DENND4C: variants seen among roughly 807,000 people sequenced by gnomAD.
DENND4C encodes DENN domain-containing protein 4C.
In DENND4C, 108 loss-of-function variants were observed where a neutral mutation model predicts 203.0. That is an observed-to-expected ratio of 0.53 (90% CI 0.46 to 0.62). The LOEUF (loss-of-function observed/expected upper bound fraction) is 0.62, where lower values mean the gene tolerates loss of function less well. DENND4C is among the 20% of genes least tolerant of loss of function. DENND4C has a pLI of 0.00. For missense variants in DENND4C, 2,481 were observed against 2,301.2 expected (o/e 1.08, Z -1.60); for synonymous variants, 871 against 792.4 (o/e 1.10, Z -1.67).
chr9:19,373,474 C>G lies in DENND4C; in HGVS notation c.*1301C>G, dbSNP rs113538393. On this transcript the variant is annotated 3_prime_UTR_variant, in exon 33 of 33. Transcript: ENST00000434457. Reference sequence around the variant, plus strand: ...TTTTAAAACCTGTGGGATAAACTTGCACTGCACACGGAAGTTTTATTCTTG... The same window carrying G: ...TTTTAAAACCTGTGGGATAAACTTGGACTGCACACGGAAGTTTTATTCTTG... 1.9e-4 allele frequency: 29 copies of G among 152,726 alleles called. No individual in the cohort carries two copies. The highest frequency in any genetic ancestry group is 6.3e-4 in the African/African-American group (26 of 41,560). 9.5% of individuals were successfully genotyped at this position (152,726 alleles called of 1,614,324 possible). A position where few individuals can be genotyped will look rare whatever the true frequency, so the allele number is the denominator to read the frequency against.
chr9:19,268,932 G>C (rs1020960199), intron 1 of DENND4C, among the ~76,000 whole-genome samples: 86 of 152,124 alleles, frequency 5.7e-4, no homozygotes, highest in African/African-American at 2.0e-3. Context: ...AAATTTCCTT[G>C]CTGTTCCATA....
intron 30 of DENND4C, 37 bp from the exon 31 acceptor site, chr9:19,369,800 A>T: frequency 7.8e-7 from 1 of 1,275,744 alleles, no homozygotes; most frequent in South Asian, 2.4e-5. Context: ...AATAATAGTA[A>T]TAATTGAAAA....
intron 20 of DENND4C, 79 bp from the exon 21 acceptor site, chr9:19,340,913 G>GTT: frequency 7.6e-7 from 1 of 1,312,424 alleles, no homozygotes; most frequent in Non-Finnish European, 1.0e-6. Context: ...GTAGATCAGT[G>GTT]GAATTTTCTT....
Position 19,370,021 on chromosome 9 carries a change from C to T in DENND4C, c.5675+34C>T, listed in dbSNP as rs772470944. 8.7e-6 allele frequency: 14 copies of T among 1,608,736 alleles called. No individual in the cohort carries two copies. The East Asian group carries it at 2.9e-4, about 33-fold the overall frequency. On this transcript the variant is annotated intron_variant, in intron 31 of 32. Transcript: ENST00000434457. ...CCAGTATTTTTTGCTTGCCACCACT[C>T]AGTCATTTCATGTTTTTAAAAAAAT...
intron 20 of DENND4C, among the ~76,000 whole-genome samples, chr9:19,337,443 C>G (rs1820733352): frequency 6.6e-6 from 1 of 152,072 alleles, no homozygotes; most frequent in African/African-American, 2.4e-5. Flanking sequence ...TCAAGCCTTC[C>G]TTTAAAAAGA....
intron 1 of DENND4C, among the ~76,000 whole-genome samples, chr9:19,241,267 ATGTT>A (rs1588716344): frequency 6.6e-6 from 1 of 152,322 alleles, no homozygotes; most frequent in East Asian, 1.9e-4. Flanking sequence ...AAGCTTTAAA[ATGTT>A]TGTTGTTTTT....
chr9:19,314,624 T>C (rs1261800099), intron 10 of DENND4C, among the ~76,000 whole-genome samples: 1 of 151,790 alleles, frequency 6.6e-6, no homozygotes, highest in Non-Finnish European at 1.5e-5. Flanking sequence ...AAAAAAAGAT[T>C]CCAAAATGCA....
intron 15 of DENND4C, among the ~76,000 whole-genome samples, chr9:19,326,919 C>G (rs990139956): frequency 6.6e-6 from 1 of 152,044 alleles, no homozygotes; most frequent in Non-Finnish European, 1.5e-5. Context: ...ATTTATTTAA[C>G]TAGCCTCATG....
chr9:19,245,715 G>A (rs940422919), intron 1 of DENND4C, among the ~76,000 whole-genome samples: 2 of 152,108 alleles, frequency 1.3e-5, no homozygotes, highest in African/African-American at 4.8e-5. Context: ...AACTAGCCAG[G>A]CGTGGTGGCA....
At chr9:19,324,576 A>C in intron 13 of DENND4C, 69 bp downstream of exon 13, 1 of 1,486,030 alleles carries the variant, frequency 6.7e-7, no homozygotes, top group Non-Finnish European at 9.2e-7. Flanking sequence ...TATCATTGTT[A>C]TTGTTAGTCT....
In DENND4C at chr9:19,352,672, C is replaced by A. The variant is rs537658744; in HGVS notation, c.4781+7C>A. ...ATTTGAGAGGTTCTGCAAGGTTAGTCTTATAAAAGCTCTCTCAAGAAGTAA... is the reference window on the plus strand; with the variant it reads ...ATTTGAGAGGTTCTGCAAGGTTAGTATTATAAAAGCTCTCTCAAGAAGTAA... On this transcript the variant is annotated splice_region_variant and intron_variant, in intron 26 of 32. Transcript: ENST00000434457. 24 of 1,563,926 alleles carry A rather than the reference C, an allele frequency of 1.5e-5. No homozygotes were observed. Among genetic ancestry groups the A allele is most frequent in the Non-Finnish European group, 2.1e-5 (24 of 1,152,392 alleles).
At chr9:19,315,261 A>AT (rs1048637331) in intron 10 of DENND4C, among the ~76,000 whole-genome samples, 1 of 151,780 alleles carries the variant, frequency 6.6e-6, no homozygotes, top group Non-Finnish European at 1.5e-5. Context: ...GACTGAAACT[A>AT]TGTGTCCTGT....
At chr9:19,262,349 G>A (rs60502034) in intron 1 of DENND4C, among the ~76,000 whole-genome samples, 8,171 of 151,692 alleles carry the variant, frequency 0.054, 365 homozygotes, top group African/African-American at 0.12. Flanking sequence ...CAGCCTCCCA[G>A]AGTGCTGGGA....
In DENND4C at chr9:19,346,173, G is replaced by A. The variant is rs1208274728; in HGVS notation, c.3404G>A (p.Cys1135Tyr). 6.2e-7 allele frequency: 1 copy of A among 1,614,096 alleles called. No individual in the cohort carries two copies. The highest frequency in any genetic ancestry group is 2.2e-5 in the East Asian group (1 of 44,894). ...AAGATTCTCACAGCAGCATTGACAT[G>A]TCCTAAGACTTCTCTACTTCATATT... ...DAKILTAALTCPKTSLLHIAR... is the reference protein window; with the variant it reads ...DAKILTAALTYPKTSLLHIAR... The change falls in exon 23 of 33, where the codon TGT becomes TAT. Residue 1135 changes from cysteine to tyrosine, a missense_variant. Around this residue, in one of 3 missense-constraint regions of DENND4C, gnomAD observed 2,289 missense variants for 2,113.3 expected, o/e 1.08. Transcript: ENST00000434457.
chr9:19,370,046 T>C lies in DENND4C; in HGVS notation c.5675+59T>C, dbSNP rs76997255. On this transcript the variant is annotated intron_variant, in intron 31 of 32. Transcript: ENST00000434457. The stretch of plus-strand genomic sequence containing the variant: ...CAGTCATTTCATGTTTTTAAAAAAA[T>C]ATCTTACTTTTAAAAATATCTCTAG... 2.8e-3 allele frequency: 4,347 copies of C among 1,578,314 alleles called. 100 individuals are homozygous for C. In the African/African-American group the frequency reaches 0.049, roughly 18 times the overall value.
chr9:19,245,053 A>G (rs1005621303), intron 1 of DENND4C, among the ~76,000 whole-genome samples: 1 of 152,232 alleles, frequency 6.6e-6, no homozygotes, highest in African/African-American at 2.4e-5. Flanking sequence ...TGCATGCATA[A>G]TCACACCCTA....
intron 12 of DENND4C, among the ~76,000 whole-genome samples, chr9:19,319,077 G>T: frequency 6.6e-6 from 1 of 151,572 alleles, no homozygotes; most frequent in Non-Finnish European, 1.5e-5. Context: ...GCTGAGGCAG[G>T]AGAATCGCTT....
At chr9:19,277,646 G>T (rs1247199108) in intron 2 of DENND4C, among the ~76,000 whole-genome samples, 3 of 149,978 alleles carry the variant, frequency 2.0e-5, no homozygotes, top group Admixed American at 6.7e-5. Flanking sequence ...TGGATGCTTT[G>T]TGTGTGTGTG....
At chr9:19,285,615 T>TGCAAA (rs1279001803) in intron 2 of DENND4C, among the ~76,000 whole-genome samples, 5 of 151,768 alleles carry the variant, frequency 3.3e-5, no homozygotes, top group African/African-American at 1.2e-4. Context: ...TAGCTGCTTG[T>TGCAAA]GCTTTTGGTG....
Sources: allele counts gnomAD v4.1 joint callset (sites outside exome capture counted in the v4.1 genomes callset), GRCh38; gene constraint gnomAD v4.1.1; regional missense constraint gnomAD v4.1.1; transcripts MANE v1.5; gene names NCBI Gene and HGNC (gene_info 2026-07-23, HGNC 2026-07-21).